Variants in TGM3 observed in about 807,000 individuals in gnomAD.
The protein encoded by TGM3 is protein-glutamine gamma-glutamyltransferase E.
In TGM3, 52 loss-of-function variants were observed where a neutral mutation model predicts 73.8. The ratio of observed to expected loss-of-function variants is 0.70; its 90% CI spans 0.56 to 0.89. The LOEUF (loss-of-function observed/expected upper bound fraction) is 0.89. TGM3 is among the 40% of genes least tolerant of loss of function. The pLI, the probability that TGM3 is intolerant of heterozygous loss-of-function variation, is 0.00. For missense variants in TGM3, 928 were observed against 909.9 expected (o/e 1.02, Z -0.26); for synonymous variants, 372 against 354.9 (o/e 1.05, Z -0.54).
In TGM3 at chr20:2,332,410, G is replaced by T; in HGVS notation, c.1642+100G>T. 1 of 1,184,790 alleles carries T rather than the reference G, an allele frequency of 8.4e-7. No individual in the cohort carries two copies. Among genetic ancestry groups the T allele is most frequent in the Non-Finnish European group, 1.2e-6 (1 of 865,752 alleles). 73.4% of individuals were successfully genotyped at this position (1,184,790 alleles called of 1,614,324 possible). On this transcript the variant is annotated intron_variant, in intron 10 of 12. Coordinates refer to ENST00000381458, the MANE Select transcript of TGM3 (RefSeq NM_003245.4). This position sits in a 1 kb window ranked among gnomAD's most constrained non-coding sequence, Gnocchi z 4.4. ...GCTGGGCTCCAGGTTAGTCAGCTACGAATGGAGCAGCCAGCGGCCCCTGTG... is the reference window on the plus strand; with the variant it reads ...GCTGGGCTCCAGGTTAGTCAGCTACTAATGGAGCAGCCAGCGGCCCCTGTG...
At chr20:2,315,274 C>A (rs1410243130) in intron 5 of TGM3, among the ~76,000 whole-genome samples, 1 of 152,216 alleles carries the variant, frequency 6.6e-6, no homozygotes, top group East Asian at 1.9e-4. Flanking sequence ...CCCAGCTGGG[C>A]TGGGCCATGA....
chr20:2,313,653 T>G (rs1050883784), intron 5 of TGM3, among the ~76,000 whole-genome samples: 8 of 150,114 alleles, frequency 5.3e-5, no homozygotes, highest in African/African-American at 2.0e-4. Flanking sequence ...TCACACACAC[T>G]CTCTCTCTCT....
chr20:2,340,930 A>G lies in TGM3; in HGVS notation c.*349A>G, dbSNP rs1167782229. ...CTCTCCAAACGGGATACAGGAGAGA[A>G]GCTGGTCTAGACTGTTTGCTGATCC... On this transcript the variant is annotated 3_prime_UTR_variant, in exon 13 of 13. Coordinates refer to ENST00000381458, the MANE Select transcript of TGM3 (RefSeq NM_003245.4). 6 of 482,394 alleles carry G rather than the reference A, an allele frequency of 1.2e-5. No individual in the cohort carries two copies. The East Asian group carries it at 3.8e-4, about 30-fold the overall frequency. 29.9% of individuals were successfully genotyped at this position (482,394 alleles called of 1,614,324 possible). A position where few individuals can be genotyped will look rare whatever the true frequency, so the allele number is the denominator to read the frequency against.
At chr20:2,307,287 T>C (rs1413560403) in intron 1 of TGM3, among the ~76,000 whole-genome samples, 1 of 152,118 alleles carries the variant, frequency 6.6e-6, no homozygotes, top group Non-Finnish European at 1.5e-5. Context: ...AGAGGGTACC[T>C]ATGGTGACCC....
At chr20:2,323,069 C>CT (rs2084270063) in intron 7 of TGM3, among the ~76,000 whole-genome samples, 1 of 151,598 alleles carries the variant, frequency 6.6e-6, no homozygotes, top group Non-Finnish European at 1.5e-5. Context: ...TTTCTTTTTC[C>CT]TTTTTTATTT....
chr20:2,303,868 T>A (rs1345567819), intron 1 of TGM3, among the ~76,000 whole-genome samples: 1 of 152,210 alleles, frequency 6.6e-6, no homozygotes, highest in Admixed American at 6.5e-5. Flanking sequence ...TGGCACGGAA[T>A]CAGAGTTTGG....
intron 1 of TGM3, among the ~76,000 whole-genome samples, chr20:2,303,418 A>G (rs2084161599): frequency 6.6e-6 from 1 of 151,976 alleles, no homozygotes; most frequent in South Asian, 2.1e-4. Context: ...AGTTCCTGCT[A>G]ATGGAGTTGG....
chr20:2,335,057 G>A, intron 10 of TGM3, 59 bp from the exon 11 acceptor site: 2 of 1,598,062 alleles, frequency 1.3e-6, no homozygotes, highest in Non-Finnish European at 1.7e-6. Context: ...CTGTTCTGAG[G>A]AAGGTTCAGA....
intron 11 of TGM3, among the ~76,000 whole-genome samples, chr20:2,338,136 A>G (rs1050920341): frequency 2.0e-5 from 3 of 152,206 alleles, no homozygotes; most frequent in African/African-American, 7.2e-5. Flanking sequence ...GTAAAACCCC[A>G]TTATCTAACC....
At chr20:2,306,472 C>CTTTTTTTTT (rs33929365) in intron 1 of TGM3, among the ~76,000 whole-genome samples, 12 of 129,622 alleles carry the variant, frequency 9.3e-5, no homozygotes, top group East Asian at 2.3e-4. Flanking sequence ...CTTTTCCTTT[C>CTTTTTTTTT]TTTTTTTTTT....
At chr20:2,319,659 C>T (rs780866812) in intron 7 of TGM3, among the ~76,000 whole-genome samples, 15 of 152,148 alleles carry the variant, frequency 9.9e-5, no homozygotes, top group Admixed American at 3.3e-4. Flanking sequence ...GGGGGCCAGG[C>T]GCAGAAGCTC....
chr20:2,299,709 T>C (rs214775), intron 1 of TGM3, among the ~76,000 whole-genome samples: 112,555 of 152,130 alleles, frequency 0.74, 43,555 homozygotes, highest in East Asian at 0.93. Flanking sequence ...TCAGGTAATT[T>C]ATGTGAAGGA....
chr20:2,331,942 G>A (rs1362800043), intron 9 of TGM3, 60 bp from the exon 10 acceptor site: 25 of 1,550,600 alleles, frequency 1.6e-5, no homozygotes, highest in East Asian at 2.2e-5. Context: ...GCAGGGTACT[G>A]TCCTTTGCCC....
Position 2,312,784 on chromosome 20 carries a change from CCA to C in TGM3, c.541-111_541-110del, listed in dbSNP as rs1213626048. The C allele has an allele frequency of 2.1e-6, 3 of 1,452,606 alleles. No homozygotes were observed. In the African/African-American group the frequency reaches 4.2e-5, roughly 20 times the overall value. The allele number at this position is 1,452,606 out of a possible 1,614,324, so 90.0% of individuals were successfully genotyped here. ...CCTCAGTAGCTCTCAGTTCCAGAGG[CCA>C]CAGAGTCAAAGGATCTGATAGTTCC... On this transcript the variant is annotated intron_variant, in intron 4 of 12. Coordinates refer to ENST00000381458, the MANE Select transcript of TGM3 (RefSeq NM_003245.4).
rs564361274 is a variant in TGM3, at chr20:2,327,461, A to T, written c.1088-659A>T. Among the ~76,000 whole-genome samples, 16 of 152,336 alleles carry T rather than the reference A, an allele frequency of 1.1e-4. No homozygotes were observed. In the South Asian group the frequency reaches 3.3e-3, roughly 32 times the overall value. On this transcript the variant is annotated intron_variant, in intron 8 of 12. Coordinates refer to ENST00000381458, the MANE Select transcript of TGM3 (RefSeq NM_003245.4). ...CACTGCACTCCAGACTGGGCGACAGAGCACGACTGCATCTCAAAAAAACAA... is the reference window on the plus strand; with the variant it reads ...CACTGCACTCCAGACTGGGCGACAGTGCACGACTGCATCTCAAAAAAACAA...
chr20:2,333,888 G>A (rs1298082859), intron 10 of TGM3, among the ~76,000 whole-genome samples: 1 of 152,202 alleles, frequency 6.6e-6, no homozygotes, highest in African/African-American at 2.4e-5. Context: ...GGTCACTGAC[G>A]GTGAGGGTTG....
At position 2,307,250 on chromosome 20, in the gene TGM3, C is replaced by T. The variant is rs933659634; in HGVS notation, c.8-2407C>T. On this transcript the variant is annotated intron_variant, in intron 1 of 12. Coordinates refer to ENST00000381458, the MANE Select transcript of TGM3 (RefSeq NM_003245.4). ...TCTCTCCAGTGGCAGGTTGGCTCACCATCCCAGGGAGCCTGCATTTTACTG... is the reference window on the plus strand; with the variant it reads ...TCTCTCCAGTGGCAGGTTGGCTCACTATCCCAGGGAGCCTGCATTTTACTG... 6.6e-5 allele frequency among the ~76,000 whole-genome samples: 10 copies of T among 152,146 alleles called. No individual in the cohort carries two copies. The East Asian group carries it at 1.9e-3, about 29-fold the overall frequency.
intron 11 of TGM3, among the ~76,000 whole-genome samples, chr20:2,335,590 T>A (rs543578703): frequency 1.4e-4 from 22 of 152,332 alleles, no homozygotes; most frequent in African/African-American, 4.3e-4. Flanking sequence ...TTCAGCTCAT[T>A]CCCTTCTCAC....
In TGM3 at chr20:2,328,167, G is replaced by A. The variant is rs1165002687; in HGVS notation, c.1135G>A (p.Asp379Asn). 1.2e-6 allele frequency: 2 copies of A among 1,614,176 alleles called. No homozygotes were observed. The highest frequency in any genetic ancestry group is 3.3e-4 in the Middle Eastern group (2 of 6,062). ...PASVIGVREG[D>N]VQLNFDMPFI... ...TTCGGTCATTGGTGTTCGAGAGGGT[G>A]ATGTGCAGCTGAACTTCGACATGCC... Residue 379 changes from aspartate to asparagine, a missense_variant, in exon 9 of 13, where the codon GAT (aspartate) becomes AAT (asparagine). By Grantham distance (23) the Asp-to-Asn change is conservative. Coordinates refer to ENST00000381458, the MANE Select transcript of TGM3 (RefSeq NM_003245.4). The surrounding 1 kb of genome is among the most constrained non-coding windows in gnomAD (Gnocchi z 5.2).
Sources: allele counts gnomAD v4.1 joint callset (sites outside exome capture counted in the v4.1 genomes callset), GRCh38; gene constraint gnomAD v4.1.1; non-coding constraint Gnocchi (gnomAD v3.1); transcripts MANE v1.5; gene names NCBI Gene and HGNC (gene_info 2026-07-23, HGNC 2026-07-21).